The following NAV2 variants were observed in gnomAD, a reference collection of about 807,000 sequenced individuals.
The protein encoded by NAV2 is neuron navigator 2.
A neutral mutation model predicts 223.2 loss-of-function variants in NAV2; 54 were observed. The observed-to-expected ratio is 0.24, with a 90% CI of 0.19 to 0.30. The LOEUF (loss-of-function observed/expected upper bound fraction) is 0.30, where lower values mean the gene tolerates loss of function less well. Among genes scored for constraint, NAV2 ranks in the 10% least tolerant of loss-of-function variants. NAV2 has a pLI of 1.00. For missense variants in NAV2, 2,806 were observed against 3,147.5 expected (o/e 0.89, Z 2.60); for synonymous variants, 1,279 against 1,239.3 (o/e 1.03, Z -0.67).
chr11:19,909,735 C>G (rs762669545), intron 6 of NAV2, among the ~76,000 whole-genome samples: 17 of 152,136 alleles, frequency 1.1e-4, no homozygotes, highest in Admixed American at 2.0e-4. Flanking sequence ...TTTTTGAAAT[C>G]AAAAGCCTGC....
chr11:19,656,309 G>A (rs1332040347), intron 1 of NAV2, among the ~76,000 whole-genome samples: 1 of 152,162 alleles, frequency 6.6e-6, no homozygotes, highest in Non-Finnish European at 1.5e-5. Flanking sequence ...GTACCTTACT[G>A]GTTTTTGTGG....
rs910465847 is a variant in NAV2 at position 20,043,971 on chromosome 11, C to T, written c.2908-10C>T. 3 of 1,609,350 alleles carry T rather than the reference C, an allele frequency of 1.9e-6. No homozygotes were observed. In the African/African-American group the frequency reaches 4.0e-5, roughly 21 times the overall value. ...GGGGAAGGACTAATTCAGAGAGTCT[C>T]TGTCCACAGACTGATGCTGAGAAGC... On this transcript the variant is annotated splice_polypyrimidine_tract_variant and intron_variant, in intron 12 of 37. Transcript: ENST00000349880.
chr11:19,809,448 A>G (rs918730651), intron 1 of NAV2, among the ~76,000 whole-genome samples: 3 of 152,234 alleles, frequency 2.0e-5, no homozygotes, highest in African/African-American at 7.2e-5. Flanking sequence ...AATAAACTTT[A>G]AGACTAGATT....
intron 10 of NAV2, among the ~76,000 whole-genome samples, chr11:19,974,473 T>G (rs555934548): frequency 6.6e-6 from 1 of 152,310 alleles, no homozygotes; most frequent in Admixed American, 6.5e-5. Flanking sequence ...GTTGCAACAA[T>G]GAACCACACT....
At chr11:19,808,371 T>C (rs2058684584) in intron 1 of NAV2, among the ~76,000 whole-genome samples, 1 of 152,192 alleles carries the variant, frequency 6.6e-6, no homozygotes, top group African/African-American at 2.4e-5. Flanking sequence ...CATTGAGAAC[T>C]GAGCACAAAA....
At chr11:19,949,619 A>G (rs1433512515) in intron 10 of NAV2, among the ~76,000 whole-genome samples, 1 of 152,184 alleles carries the variant, frequency 6.6e-6, no homozygotes, top group Non-Finnish European at 1.5e-5. Context: ...TTGACCATGC[A>G]ATTTGAAGTA....
At chr11:19,962,049 G>A (rs1398889919) in intron 10 of NAV2, among the ~76,000 whole-genome samples, 1 of 151,620 alleles carries the variant, frequency 6.6e-6, no homozygotes, top group African/African-American at 2.4e-5. Context: ...CTCGTTGCAG[G>A]CCAAGAGGGG....
At chr11:19,380,393 G>A (rs1206086810) in intron 1 of NAV2, 1 of 152,240 alleles carries the variant, frequency 6.6e-6, no homozygotes, top group Non-Finnish European at 1.5e-5. Context: ...GGAAAATCAT[G>A]GCATGCTTGA....
chr11:19,688,976 G>T (rs2049095533), intron 1 of NAV2, among the ~76,000 whole-genome samples: 1 of 152,136 alleles, frequency 6.6e-6, no homozygotes, highest in South Asian at 2.1e-4. Flanking sequence ...TTTTTTCAGA[G>T]AGTAGAGGAG....
chr11:19,803,406 A>C (rs746438948), intron 1 of NAV2, among the ~76,000 whole-genome samples: 3 of 152,188 alleles, frequency 2.0e-5, no homozygotes, highest in Non-Finnish European at 4.4e-5. Context: ...GGGGCCAAGA[A>C]AGCATTTGGC....
At chr11:19,545,765 G>GT (rs11424102) in intron 1 of NAV2, among the ~76,000 whole-genome samples, 42,630 of 150,594 alleles carry the variant, frequency 0.28, 8,119 homozygotes, top group African/African-American at 0.56. Context: ...TTTTTTGCAG[G>GT]TTTTTTTTTA....
intron 1 of NAV2, among the ~76,000 whole-genome samples, chr11:19,477,154 G>A (rs1021232710): frequency 6.6e-6 from 1 of 152,110 alleles, no homozygotes; most frequent in Admixed American, 6.5e-5. Flanking sequence ...GTAAAGTCAG[G>A]TTCTCAGGCA....
At chr11:19,663,224 A>G (rs2048331942) in intron 1 of NAV2, among the ~76,000 whole-genome samples, 1 of 152,242 alleles carries the variant, frequency 6.6e-6, no homozygotes, top group South Asian at 2.1e-4. Flanking sequence ...AAATGCATGT[A>G]ATTTCATATT....
At chr11:19,914,685 CA>C (rs1421777359) in intron 6 of NAV2, among the ~76,000 whole-genome samples, 6 of 151,978 alleles carry the variant, frequency 3.9e-5, no homozygotes, top group African/African-American at 1.4e-4. Context: ...GCTGGGACTA[CA>C]GGCGCCCGCC....
At chr11:20,082,138 A>T (rs538755323) in intron 25 of NAV2, among the ~76,000 whole-genome samples, 12 of 152,190 alleles carry the variant, frequency 7.9e-5, no homozygotes, top group Non-Finnish European at 1.3e-4. Flanking sequence ...TATATACACA[A>T]ATAGCTGAAA....
chr11:19,973,207 C>T (rs1463361199), intron 10 of NAV2, among the ~76,000 whole-genome samples: 1 of 152,170 alleles, frequency 6.6e-6, no homozygotes, highest in Admixed American at 6.5e-5. Context: ...TTGTTGTTAC[C>T]TGGGGGGGTC....
At chr11:20,109,836 T>TC (rs1309771551) in intron 36 of NAV2, among the ~76,000 whole-genome samples, 1 of 152,208 alleles carries the variant, frequency 6.6e-6, no homozygotes, top group African/African-American at 2.4e-5. Context: ...AATAAAGGCC[T>TC]CCCCTGCCCT....
chr11:19,546,286 CCT>C (rs1004403561), intron 1 of NAV2, among the ~76,000 whole-genome samples: 1 of 152,186 alleles, frequency 6.6e-6, no homozygotes, highest in African/African-American at 2.4e-5. Flanking sequence ...TCAGAGATTC[CCT>C]CTCTCAACCC....
intron 1 of NAV2, among the ~76,000 whole-genome samples, chr11:19,422,549 A>T (rs993365773): frequency 6.6e-6 from 1 of 152,178 alleles, no homozygotes; most frequent in African/African-American, 2.4e-5. Flanking sequence ...TCCTGTCCCA[A>T]CAGGAAGCCG....
Sources: gnomAD v4.1 joint callset for allele counts (sites outside exome capture counted in the v4.1 genomes callset) on GRCh38, gnomAD v4.1.1 for gene constraint, MANE v1.5 for transcripts, NCBI Gene and HGNC (gene_info 2026-07-23, HGNC 2026-07-21) for gene names.